The following CYP2B6 variants were observed in gnomAD, a reference collection of about 807,000 sequenced individuals.
CYP2B6 encodes cytochrome P450 family 2 subfamily B member 6.
CYP2B6 carries 35 observed loss-of-function variants against 43.4 expected under a neutral mutation model. The ratio of observed to expected loss-of-function variants is 0.81; its 90% CI spans 0.62 to 1.07. The LOEUF is 1.07. CYP2B6 is among the 50% of genes least tolerant of loss of function. CYP2B6 has a pLI of 0.00. For missense variants in CYP2B6, 624 were observed against 632.8 expected, an observed-to-expected ratio of 0.99 and a Z score of 0.15; for synonymous variants, 239 against 239.2, an observed-to-expected ratio of 1.00 and a Z score of 0.01.
chr19:41,002,460 A>C (rs1969107866), intron 1 of CYP2B6, among the ~76,000 whole-genome samples: 2 of 152,124 alleles, frequency 1.3e-5, no homozygotes, highest in Admixed American at 6.5e-5. Flanking sequence ...AATGCCCCGA[A>C]ACCCTGCACC....
chr19:41,009,916 A>G, intron 5 of CYP2B6, 78 bp from the exon 6 acceptor site: 2 of 1,588,768 alleles, frequency 1.3e-6, no homozygotes, highest in Non-Finnish European at 1.7e-6. Context: ...AACGGAGGGC[A>G]GCCAGGGAGA....
At chr19:40,999,779 C>G (rs1057468375) in intron 1 of CYP2B6, among the ~76,000 whole-genome samples, 1 of 152,046 alleles carries the variant, frequency 6.6e-6, no homozygotes, top group Non-Finnish European at 1.5e-5. Context: ...GCCTTGAACT[C>G]CTGTGCTCAG....
intron 8 of CYP2B6, among the ~76,000 whole-genome samples, chr19:41,013,605 G>A (rs542255069): frequency 1.5e-4 from 22 of 151,146 alleles, no homozygotes; most frequent in South Asian, 8.4e-4. Context: ...AAGACAAAGG[G>A]CTCATCTGGG....
chr19:41,007,776 G>A lies in CYP2B6; in HGVS notation c.645+711G>A, dbSNP rs556357236. ...GTAGCTGGGATTACAGGCGCCTGCC[G>A]CTATGCCAGGCTAATGTTTTTGTAT... On this transcript the variant is annotated intron_variant, in intron 4 of 8. Coordinates refer to ENST00000324071, the MANE Select transcript of CYP2B6 (RefSeq NM_000767.5). 3.3e-3 allele frequency among the ~76,000 whole-genome samples: 499 copies of A among 152,082 alleles called. 2 individuals are homozygous for A. Among genetic ancestry groups the A allele is most frequent in the Non-Finnish European group, 5.5e-3 (376 of 67,994 alleles).
At chr19:41,015,005 G>A (rs1017105126) in intron 8 of CYP2B6, among the ~76,000 whole-genome samples, 3 of 152,054 alleles carry the variant, frequency 2.0e-5, no homozygotes, top group Non-Finnish European at 2.9e-5. Context: ...GAAAGAATGA[G>A]AGAGAAAGAG....
chr19:40,996,157 T>C lies in CYP2B6; in HGVS notation c.171+4681T>C, dbSNP rs147449932. Among the ~76,000 whole-genome samples the C allele has an allele frequency of 7.7e-3, 1,175 of 152,220 alleles. 11 individuals carry two copies. Among genetic ancestry groups the C allele is most frequent in the Middle Eastern group, 0.034 (10 of 294 alleles). ...TGGGGAGTATAGGTAAGGTCCACTG[T>C]CCACAGAGAGAAGACAGGCTGTTAA... is the stretch of plus-strand genomic sequence containing the variant. On this transcript the variant is annotated intron_variant, in intron 1 of 8. Coordinates refer to ENST00000324071, the MANE Select transcript of CYP2B6 (RefSeq NM_000767.5).
In CYP2B6 at chr19:40,991,285, C is replaced by T. The variant is rs759060032; in HGVS notation, c.-21C>T. The T allele has an allele frequency of 1.1e-5, 17 of 1,613,914 alleles. No individual in the cohort carries two copies. The East Asian group carries it at 3.8e-4, about 36-fold the overall frequency. The stretch of plus-strand genomic sequence containing the variant: ...CCCAGTTGGAGGCTGCAGCAGGGTG[C>T]AGGGCAGTCAGACCAGGACCATGGA... On this transcript the variant is annotated 5_prime_UTR_variant, in exon 1 of 9. Coordinates refer to ENST00000324071, the MANE Select transcript of CYP2B6 (RefSeq NM_000767.5).
Position 41,016,831 on chromosome 19 carries a change from G to T in CYP2B6, c.*4G>T. 2 of 1,613,596 alleles carry T rather than the reference G, an allele frequency of 1.2e-6. No homozygotes were observed. Among genetic ancestry groups the T allele is most frequent in the Non-Finnish European group, 1.7e-6 (2 of 1,179,736 alleles). Reference sequence around the variant, plus strand: ...GATCCGCTTCCTGCCCCGCTGAAGGGGCTGAGGGAAGGGGGTCAAAGGATT... The same window carrying T: ...GATCCGCTTCCTGCCCCGCTGAAGGTGCTGAGGGAAGGGGGTCAAAGGATT... On this transcript the variant is annotated 3_prime_UTR_variant, in exon 9 of 9. Coordinates refer to ENST00000324071, the MANE Select transcript of CYP2B6 (RefSeq NM_000767.5).
intron 8 of CYP2B6, 40 bp downstream of exon 8, chr19:41,012,855 G>A: frequency 6.2e-7 from 1 of 1,610,898 alleles, no homozygotes; most frequent in Non-Finnish European, 8.5e-7. Flanking sequence ...ACACCAGAGG[G>A]CAGGTACTAT....
At chr19:41,013,534 G>A (rs1209848341) in intron 8 of CYP2B6, among the ~76,000 whole-genome samples, 1 of 152,150 alleles carries the variant, frequency 6.6e-6, no homozygotes, top group Non-Finnish European at 1.5e-5. Flanking sequence ...AACGTGATAT[G>A]GCACCATTGA....
intron 8 of CYP2B6, among the ~76,000 whole-genome samples, chr19:41,014,210 C>A (rs1006236081): frequency 6.6e-6 from 1 of 152,136 alleles, no homozygotes; most frequent in Non-Finnish European, 1.5e-5. Flanking sequence ...AGTACAGTGA[C>A]CTCCTTCCAC....
intron 1 of CYP2B6, among the ~76,000 whole-genome samples, chr19:40,998,252 T>C (rs531077752): frequency 1.3e-5 from 2 of 152,242 alleles, no homozygotes; most frequent in South Asian, 2.1e-4. Context: ...TGGGCACAAA[T>C]CATGCCTCTG....
intron 1 of CYP2B6, among the ~76,000 whole-genome samples, chr19:41,002,955 G>A (rs1240468219): frequency 2.0e-5 from 3 of 152,100 alleles, no homozygotes; most frequent in Admixed American, 2.0e-4. Context: ...GTCGCCTGTA[G>A]CTGTGGTTTG....
In CYP2B6 at chr19:41,006,909, C is replaced by G. The variant is rs1243159923; in HGVS notation, c.489C>G (p.Ala163=). ...TGACCTGCTGCTTCTTCCTAGGGGCCCTCATGGACCCCACCTTCCTCTTCC... is the reference window on the plus strand; with the variant it reads ...TGACCTGCTGCTTCTTCCTAGGGGCGCTCATGGACCCCACCTTCCTCTTCC... ...LIEELRKSKG[A]LMDPTFLFQS... is the part of the protein sequence containing the mutation. The change falls in exon 4 of 9, where the codon GCC becomes GCG. Residue 163 remains alanine (A), a synonymous_variant. Transcript: ENST00000324071. 9 of 1,613,484 alleles carry G rather than the reference C, an allele frequency of 5.6e-6. No homozygotes were observed. The highest frequency in any genetic ancestry group is 7.6e-6 in the Non-Finnish European group (9 of 1,179,994).
At chr19:40,993,123 G>A (rs73933721) in intron 1 of CYP2B6, among the ~76,000 whole-genome samples, 12,054 of 152,100 alleles carry the variant, frequency 0.079, 1,619 homozygotes, top group African/African-American at 0.27. Context: ...GGTAATTAAG[G>A]ACCAGAGCTT....
At chr19:41,014,309 T>C (rs1395123329) in intron 8 of CYP2B6, among the ~76,000 whole-genome samples, 11 of 151,752 alleles carry the variant, frequency 7.2e-5, no homozygotes. Context: ...AAGTTTCTTT[T>C]TTTTTTTTTG....
chr19:41,005,862 G>A (rs1018823542), intron 3 of CYP2B6, among the ~76,000 whole-genome samples: 7 of 151,950 alleles, frequency 4.6e-5, no homozygotes, highest in South Asian at 2.1e-4. Context: ...AAGAAACAAA[G>A]GCAAAGAGAA....
intron 3 of CYP2B6, among the ~76,000 whole-genome samples, chr19:41,005,229 T>C (rs149958642): frequency 1.3e-3 from 202 of 152,122 alleles, no homozygotes; most frequent in African/African-American, 4.7e-3. Flanking sequence ...CTAGGTTATT[T>C]TTGAGTTCTC....
intron 1 of CYP2B6, among the ~76,000 whole-genome samples, chr19:41,001,545 T>C (rs941768510): frequency 4.6e-5 from 7 of 152,186 alleles, no homozygotes; most frequent in Non-Finnish European, 1.0e-4. Context: ...CACAGTTTTC[T>C]CTTCCGTCAG....
Sources: gnomAD v4.1 joint callset for allele counts (sites outside exome capture counted in the v4.1 genomes callset) on GRCh38, gnomAD v4.1.1 for gene constraint, MANE v1.5 for transcripts, NCBI Gene and HGNC (gene_info 2026-07-23, HGNC 2026-07-21) for gene names.